The following MAGI2 variants were observed in gnomAD, a reference collection of about 807,000 sequenced individuals.
MAGI2 encodes the protein membrane associated guanylate kinase, WW and PDZ domain containing 2, also known as membrane-associated guanylate kinase, WW and PDZ domain-containing protein 2.
MAGI2 carries 35 observed loss-of-function variants against 133.3 expected under a neutral mutation model. The observed-to-expected ratio is 0.26, with a 90% CI of 0.20 to 0.35. The LOEUF is 0.35. Ranked by LOEUF, MAGI2 falls within the 10% of genes least tolerant of loss-of-function variation. The pLI is 1.00. For synonymous variants in MAGI2, 729 were observed against 710.6 expected, an observed-to-expected ratio of 1.03 and a Z score of -0.41; for missense variants, 1,636 against 1,863.4, an observed-to-expected ratio of 0.88 and a Z score of 2.25.
chr7:78,291,418 T>A (rs1489010856), intron 9 of MAGI2, among the ~76,000 whole-genome samples: 1 of 152,074 alleles, frequency 6.6e-6, no homozygotes, highest in Non-Finnish European at 1.5e-5. Flanking sequence ...AATACCAAGT[T>A]CTGAAATTGA....
intron 2 of MAGI2, among the ~76,000 whole-genome samples, chr7:78,981,943 T>C (rs1018773154): frequency 2.0e-5 from 3 of 151,888 alleles, no homozygotes; most frequent in Non-Finnish European, 2.9e-5. Flanking sequence ...GCAGGCAGTG[T>C]AGTCTAAATC....
chr7:78,031,844 C>T (rs778903185), intron 21 of MAGI2, among the ~76,000 whole-genome samples: 5 of 152,056 alleles, frequency 3.3e-5, no homozygotes, highest in Non-Finnish European at 7.4e-5. Flanking sequence ...TAAATCTATA[C>T]CTTCTGGGGT....
chr7:78,289,064 A>C lies in MAGI2; in HGVS notation c.1409-32483T>G, dbSNP rs1443294798. 2.0e-5 allele frequency among the ~76,000 whole-genome samples: 3 copies of C among 152,236 alleles called. No homozygotes were observed. In the East Asian group the frequency reaches 5.8e-4, roughly 29 times the overall value. ...CGCCTCTTTTCCTCCAAAGGAACGCAGCTCCTCACCAGCAAAGGAACAAAG... is the reference window on the plus strand; with the variant it reads ...CGCCTCTTTTCCTCCAAAGGAACGCCGCTCCTCACCAGCAAAGGAACAAAG... On this transcript the variant is annotated intron_variant, in intron 9 of 21. Coordinates refer to ENST00000354212, the MANE Select transcript of MAGI2 (RefSeq NM_012301.4).
rs1486665557 is a variant in MAGI2 at position 79,379,765 on chromosome 7, T to A, written c.301+73255A>T. Among the ~76,000 whole-genome samples, 6 of 151,832 alleles carry A rather than the reference T, an allele frequency of 4.0e-5. 1 individual carries two copies. In the South Asian group the frequency reaches 6.2e-4, roughly 16 times the overall value. ...TTTGGCTGCATAAATGTCTTTTTTT[T>A]AAGATTTCTGTTTATCTTTTATAAC... is the stretch of plus-strand genomic sequence containing the variant. On this transcript the variant is annotated intron_variant, in intron 1 of 21. Coordinates refer to ENST00000354212, the MANE Select transcript of MAGI2 (RefSeq NM_012301.4).
chr7:78,215,242 C>T (rs1390476281), intron 10 of MAGI2, among the ~76,000 whole-genome samples: 5 of 152,064 alleles, frequency 3.3e-5, no homozygotes, highest in Non-Finnish European at 7.4e-5. Flanking sequence ...TCTGAAAAAC[C>T]ACGAGAACAT....
intron 2 of MAGI2, among the ~76,000 whole-genome samples, chr7:78,650,961 G>A (rs1175164914): frequency 6.6e-6 from 1 of 152,102 alleles, no homozygotes; most frequent in Non-Finnish European, 1.5e-5. Context: ...AGAAACAGAT[G>A]CTTTCTCAGT....
At chr7:78,331,847 A>T (rs1037983067) in intron 9 of MAGI2, among the ~76,000 whole-genome samples, 1 of 152,226 alleles carries the variant, frequency 6.6e-6, no homozygotes, top group African/African-American at 2.4e-5. Context: ...AGGGCCAGTG[A>T]GCCTTAGTGC....
chr7:78,054,265 A>G (rs2151116388), intron 21 of MAGI2, among the ~76,000 whole-genome samples: 1 of 152,180 alleles, frequency 6.6e-6, no homozygotes, highest in African/African-American at 2.4e-5. Context: ...AGCTGCGACT[A>G]CAAGTGTGCA....
chr7:78,086,516 T>G (rs1730093334), intron 20 of MAGI2, among the ~76,000 whole-genome samples: 1 of 150,756 alleles, frequency 6.6e-6, no homozygotes, highest in Non-Finnish European at 1.5e-5. Flanking sequence ...GGATTACAGG[T>G]GTAAGGCACC....
At chr7:78,931,771 T>C (rs1800140101) in intron 2 of MAGI2, among the ~76,000 whole-genome samples, 1 of 152,088 alleles carries the variant, frequency 6.6e-6, no homozygotes, top group Non-Finnish European at 1.5e-5. Flanking sequence ...TATTATATCA[T>C]AGCAACAAAG....
chr7:78,704,938 G>C (rs998299829), intron 2 of MAGI2, among the ~76,000 whole-genome samples: 1 of 151,858 alleles, frequency 6.6e-6, no homozygotes, highest in African/African-American at 2.4e-5. Flanking sequence ...CACTTGTAAG[G>C]GGGAGCTAAA....
chr7:78,126,984 A>T (rs1821049729), intron 19 of MAGI2, among the ~76,000 whole-genome samples: 1 of 152,164 alleles, frequency 6.6e-6, no homozygotes. Flanking sequence ...ATTTATCCAT[A>T]TTTATTTATT....
At chr7:78,927,429 G>GT (rs779156792) in intron 2 of MAGI2, among the ~76,000 whole-genome samples, 1 of 152,012 alleles carries the variant, frequency 6.6e-6, no homozygotes, top group Non-Finnish European at 1.5e-5. Context: ...CATTTAGGAA[G>GT]TTAGTGGTGA....
intron 1 of MAGI2, among the ~76,000 whole-genome samples, chr7:79,321,880 G>T (rs1020097792): frequency 1.4e-4 from 21 of 152,246 alleles, no homozygotes; most frequent in African/African-American, 5.1e-4. Context: ...CCAATTATCA[G>T]TGGAGACTGA....
intron 1 of MAGI2, among the ~76,000 whole-genome samples, chr7:79,128,464 A>G (rs1820629167): frequency 6.6e-6 from 1 of 152,214 alleles, no homozygotes; most frequent in Non-Finnish European, 1.5e-5. Flanking sequence ...AAGTTGTAAG[A>G]CACAGTGTCA....
intron 3 of MAGI2, among the ~76,000 whole-genome samples, chr7:78,612,693 G>A (rs1451263176): frequency 8.6e-5 from 13 of 151,266 alleles, no homozygotes; most frequent in East Asian, 7.8e-4. Flanking sequence ...TTTTTGAGGC[G>A]GGGTCTCGCT....
chr7:78,280,260 C>T (rs1178587043), intron 9 of MAGI2, among the ~76,000 whole-genome samples: 1 of 152,030 alleles, frequency 6.6e-6, no homozygotes, highest in Non-Finnish European at 1.5e-5. Flanking sequence ...AGGCTCATCA[C>T]CCCACAAATA....
intron 1 of MAGI2, among the ~76,000 whole-genome samples, chr7:79,237,446 TCG>T (rs1431184042): frequency 1.3e-5 from 2 of 152,210 alleles, no homozygotes; most frequent in African/African-American, 4.8e-5. Flanking sequence ...TGAGCCAACG[TCG>T]CGCCACTGAA....
chr7:78,195,100 A>G, intron 11 of MAGI2, 37 bp from the exon 12 acceptor site: 2 of 1,517,318 alleles, frequency 1.3e-6, no homozygotes, highest in Non-Finnish European at 1.8e-6. Flanking sequence ...ATGACTGACA[A>G]ATTCTTCCTG....
Sources: allele counts gnomAD v4.1 joint callset (sites outside exome capture counted in the v4.1 genomes callset), GRCh38; gene constraint gnomAD v4.1.1; transcripts MANE v1.5; gene names NCBI Gene and HGNC (gene_info 2026-07-23, HGNC 2026-07-21).